CDH13: variants seen among roughly 807,000 people sequenced by gnomAD.
CDH13 encodes cadherin-13.
In CDH13, 24 loss-of-function variants were observed where a neutral mutation model predicts 63.8. That is an observed-to-expected ratio of 0.38 (90% CI 0.27 to 0.53). The LOEUF (loss-of-function observed/expected upper bound fraction) is 0.53. CDH13 is among the 20% of genes least tolerant of loss of function. The pLI is 0.85. For missense variants in CDH13, 1,049 were observed against 903.1 expected, an observed-to-expected ratio of 1.16 and a Z score of -2.07; for synonymous variants, 503 against 355.3, an observed-to-expected ratio of 1.42 and a Z score of -4.67.
At chr16:83,489,924 CA>C (rs1319321099) in intron 7 of CDH13, among the ~76,000 whole-genome samples, 7 of 152,156 alleles carry the variant, frequency 4.6e-5, no homozygotes, top group African/African-American at 1.4e-4. Context: ...TCTTCATTCG[CA>C]GTATCTCAAA....
chr16:83,716,611 G>T (rs1277101516), intron 10 of CDH13, among the ~76,000 whole-genome samples: 1 of 152,098 alleles, frequency 6.6e-6, no homozygotes, highest in Admixed American at 6.5e-5. Context: ...AGCCTCCAGA[G>T]TAGCTGGGAC....
intron 6 of CDH13, among the ~76,000 whole-genome samples, chr16:83,394,792 C>T (rs539517305): frequency 2.0e-5 from 3 of 152,070 alleles, no homozygotes; most frequent in Non-Finnish European, 4.4e-5. Context: ...TTAGTATCCG[C>T]AGGGGTTTGA....
intron 1 of CDH13, among the ~76,000 whole-genome samples, chr16:82,682,648 G>T (rs1009067811): frequency 1.3e-5 from 2 of 152,170 alleles, no homozygotes; most frequent in Non-Finnish European, 2.9e-5. Flanking sequence ...TGCCCCCTAG[G>T]AAATTCAAAT....
chr16:82,642,746 G>T (rs561344421), intron 1 of CDH13, among the ~76,000 whole-genome samples: 10 of 152,280 alleles, frequency 6.6e-5, no homozygotes, highest in African/African-American at 2.2e-4. Flanking sequence ...TATCAGTGTG[G>T]TGCTGATTTT....
intron 7 of CDH13, among the ~76,000 whole-genome samples, chr16:83,521,941 T>A (rs2074847265): frequency 6.6e-6 from 1 of 152,072 alleles, no homozygotes; most frequent in Non-Finnish European, 1.5e-5. Flanking sequence ...AGTCTGCCCT[T>A]GAAACACGTT....
At chr16:83,128,554 G>A (rs2035911266) in intron 4 of CDH13, among the ~76,000 whole-genome samples, 1 of 152,146 alleles carries the variant, frequency 6.6e-6, no homozygotes, top group African/African-American at 2.4e-5. Flanking sequence ...TCACATTTCA[G>A]TTGCCTGGAA....
chr16:82,976,857 G>A (rs781716704), intron 2 of CDH13, among the ~76,000 whole-genome samples: 27 of 152,110 alleles, frequency 1.8e-4, no homozygotes, highest in Admixed American at 1.6e-3. Context: ...TGCTCAGGCC[G>A]GGCTGCATTT....
intron 6 of CDH13, among the ~76,000 whole-genome samples, chr16:83,360,613 C>T (rs1567616543): frequency 6.6e-6 from 1 of 152,128 alleles, no homozygotes; most frequent in Admixed American, 6.5e-5. Flanking sequence ...CCTTTCTCAC[C>T]AGCACCCTCC....
chr16:83,661,713 A>G (rs1913460907), intron 8 of CDH13, among the ~76,000 whole-genome samples: 2 of 152,228 alleles, frequency 1.3e-5, no homozygotes, highest in Admixed American at 1.3e-4. Context: ...GGAAGAGTAC[A>G]GTCACTGGAA....
intron 2 of CDH13, among the ~76,000 whole-genome samples, chr16:82,961,551 C>T (rs932281159): frequency 7.6e-6 from 1 of 130,916 alleles, no homozygotes; most frequent in African/African-American, 3.1e-5. Flanking sequence ...GTCTTTTGTC[C>T]ATAAGAATAA....
intron 2 of CDH13, among the ~76,000 whole-genome samples, chr16:82,966,931 A>G (rs1597318148): frequency 6.6e-6 from 1 of 152,344 alleles, no homozygotes; most frequent in Admixed American, 6.5e-5. Context: ...GATTTATCCA[A>G]TTACCGCACT....
chr16:82,810,597 C>G (rs939856063), intron 1 of CDH13, among the ~76,000 whole-genome samples: 2 of 152,132 alleles, frequency 1.3e-5, no homozygotes, highest in African/African-American at 2.4e-5. Flanking sequence ...TTACTCCAGT[C>G]TGTGGCATTA....
chr16:83,594,532 A>G (rs1044619694), intron 7 of CDH13, among the ~76,000 whole-genome samples: 1 of 152,226 alleles, frequency 6.6e-6, no homozygotes, highest in African/African-American at 2.4e-5. Flanking sequence ...GCAAAGGAGC[A>G]GGAATTCACC....
chr16:83,251,809 T>C (rs1453240900), intron 5 of CDH13, among the ~76,000 whole-genome samples: 1 of 152,058 alleles, frequency 6.6e-6, no homozygotes, highest in Non-Finnish European at 1.5e-5. Context: ...CAGGGTACCC[T>C]GCAAAGTCAC....
intron 8 of CDH13, among the ~76,000 whole-genome samples, chr16:83,616,924 C>G (rs1449508567): frequency 6.6e-6 from 1 of 152,180 alleles, no homozygotes; most frequent in African/African-American, 2.4e-5. Flanking sequence ...TGCCACTACA[C>G]ACTCTGTTCC....
At chr16:82,886,979 C>T (rs1184745049) in intron 2 of CDH13, among the ~76,000 whole-genome samples, 1 of 152,086 alleles carries the variant, frequency 6.6e-6, no homozygotes, top group African/African-American at 2.4e-5. Flanking sequence ...GATGTGTGCA[C>T]CTCTTTCTTT....
intron 3 of CDH13, among the ~76,000 whole-genome samples, chr16:83,065,893 C>T (rs374416937): frequency 1.8e-4 from 27 of 152,188 alleles, no homozygotes; most frequent in African/African-American, 6.3e-4. Context: ...CATGCCACAC[C>T]ACTGTATAAT....
At chr16:82,901,727 T>C (rs1200212582) in intron 2 of CDH13, among the ~76,000 whole-genome samples, 2 of 152,186 alleles carry the variant, frequency 1.3e-5, no homozygotes. Flanking sequence ...ATGTATTACA[T>C]AGATAAAATG....
chr16:83,793,942 G>T (rs541109465), intron 13 of CDH13, among the ~76,000 whole-genome samples: 3 of 152,248 alleles, frequency 2.0e-5, no homozygotes, highest in Admixed American at 2.0e-4. Context: ...AGGAAGAGTC[G>T]ATTAGAAACA....
Sources: allele counts gnomAD v4.1 joint callset (sites outside exome capture counted in the v4.1 genomes callset), GRCh38; gene constraint gnomAD v4.1.1; transcripts MANE v1.5; gene names NCBI Gene and HGNC (gene_info 2026-07-23, HGNC 2026-07-21).